ZMAT3: variants seen among roughly 807,000 people sequenced by gnomAD.
ZMAT3 encodes zinc finger matrin-type 3, also known as zinc finger matrin-type protein 3.
ZMAT3 carries 17 observed loss-of-function variants against 32.3 expected under a neutral mutation model. The ratio of observed to expected loss-of-function variants is 0.53; its 90% CI spans 0.36 to 0.79. The LOEUF (loss-of-function observed/expected upper bound fraction) is 0.79, where lower values mean the gene tolerates loss of function less well. Among genes scored for constraint, ZMAT3 ranks in the 30% least tolerant of loss-of-function variants. The pLI is 0.00. For missense variants in ZMAT3, 329 were observed against 359.7 expected (o/e 0.91, Z 0.69); for synonymous variants, 120 against 133.1 (o/e 0.90, Z 0.68).
At chr3:179,051,307 A>G (rs1560094331) in intron 2 of ZMAT3, among the ~76,000 whole-genome samples, 1 of 152,216 alleles carries the variant, frequency 6.6e-6, no homozygotes. Flanking sequence ...ATACAAAATT[A>G]ATATATACAA....
Position 179,024,823 on chromosome 3 carries a change from C to G in ZMAT3, c.*194G>C. 1 of 585,350 alleles carries G rather than the reference C, an allele frequency of 1.7e-6. No individual in the cohort carries two copies. The highest frequency in any genetic ancestry group is 2.0e-5 in the South Asian group (1 of 50,534). The allele number at this position is 585,350 out of a possible 1,614,324, so 36.3% of individuals were successfully genotyped here. A position where few individuals can be genotyped will look rare whatever the true frequency, so the allele number is the denominator to read the frequency against. On this transcript the variant is annotated 3_prime_UTR_variant, in exon 6 of 6. Transcript: ENST00000311417. ...CAAAAGCGTTATGACCTAAGAAGCA[C>G]GTTCTTCACACCCACCTCCCCCCGC... is the stretch of plus-strand genomic sequence containing the variant.
chr3:179,022,245 G>C lies in ZMAT3; in HGVS notation c.*2772C>G, dbSNP rs1291608359. 1 of 152,100 alleles carries C rather than the reference G, an allele frequency of 6.6e-6. No individual in the cohort carries two copies. The highest frequency in any genetic ancestry group is 1.5e-5 in the Non-Finnish European group (1 of 68,016). The allele number at this position is 152,100 out of a possible 1,614,324, so 9.4% of individuals were successfully genotyped here. ...CCCTTAAGTCGGCTGCTTTTTCTAC[G>C]TATATAATGAAATTGTTAAGTGGAG... On this transcript the variant is annotated 3_prime_UTR_variant, in exon 6 of 6. Transcript: ENST00000311417.
At chr3:179,065,368 T>C (rs1048010842) in intron 2 of ZMAT3, among the ~76,000 whole-genome samples, 1 of 152,196 alleles carries the variant, frequency 6.6e-6, no homozygotes, top group Non-Finnish European at 1.5e-5. Flanking sequence ...TTACTAATCT[T>C]GTCAACTACA....
At chr3:179,038,528 T>C (rs1225071723) in intron 2 of ZMAT3, among the ~76,000 whole-genome samples, 1 of 152,186 alleles carries the variant, frequency 6.6e-6, no homozygotes, top group East Asian at 1.9e-4. Flanking sequence ...CAGTGAGCCA[T>C]GACTGCAATG....
intron 2 of ZMAT3, among the ~76,000 whole-genome samples, chr3:179,031,959 CCCTCCTCCT>C (rs1560085626): frequency 2.8e-4 from 1 of 3,536 alleles, no homozygotes; most frequent in Non-Finnish European, 7.6e-4. Flanking sequence ...CTCCCCCTCC[CCCTCCTCCT>C]CCCCCTCCCC....
chr3:179,030,606 G>A (rs1173042238), intron 3 of ZMAT3, among the ~76,000 whole-genome samples: 2 of 152,002 alleles, frequency 1.3e-5, no homozygotes, highest in East Asian at 1.9e-4. Context: ...CGCCCGTCTC[G>A]GCCTCCCAAA....
At chr3:179,038,889 C>T (rs896083154) in intron 2 of ZMAT3, among the ~76,000 whole-genome samples, 1 of 152,224 alleles carries the variant, frequency 6.6e-6, no homozygotes, top group Non-Finnish European at 1.5e-5. Context: ...TCTTAGCAAC[C>T]GGAAAACAAG....
intron 2 of ZMAT3, among the ~76,000 whole-genome samples, chr3:179,047,151 G>A (rs1216542591): frequency 6.6e-6 from 1 of 152,204 alleles, no homozygotes; most frequent in Non-Finnish European, 1.5e-5. Flanking sequence ...ATCCACAGCT[G>A]ACAGACATGA....
At chr3:179,064,060 G>A (rs1721280442) in intron 2 of ZMAT3, among the ~76,000 whole-genome samples, 1 of 152,162 alleles carries the variant, frequency 6.6e-6, no homozygotes, top group Non-Finnish European at 1.5e-5. Context: ...CTGGATTACT[G>A]GCACATGATA....
chr3:179,033,685 G>A lies in ZMAT3; in HGVS notation c.271-2686C>T, dbSNP rs111449075. 2.7e-4 allele frequency among the ~76,000 whole-genome samples: 41 copies of A among 152,256 alleles called. 1 individual carries two copies. The highest frequency in any genetic ancestry group is 9.6e-4 in the African/African-American group (40 of 41,546). ...CTAATGTACTTTATAAGTTAGTAAT[G>A]AAATGGATAATCCAATTATTCTTTT... is the stretch of plus-strand genomic sequence containing the variant. On this transcript the variant is annotated intron_variant, in intron 2 of 5. Coordinates refer to ENST00000311417, the MANE Select transcript of ZMAT3 (RefSeq NM_022470.4).
rs573702315 is a variant in ZMAT3, at chr3:179,048,291, G to T, written c.271-17292C>A. Among the ~76,000 whole-genome samples, 4 of 152,096 alleles carry T rather than the reference G, an allele frequency of 2.6e-5. No individual in the cohort carries two copies. In the South Asian group the frequency reaches 6.2e-4, roughly 24 times the overall value. On this transcript the variant is annotated intron_variant, in intron 2 of 5. Coordinates refer to ENST00000311417, the MANE Select transcript of ZMAT3 (RefSeq NM_022470.4). ...AGCCTTGCTAGAGATCTAGACATCCGAATACAAGAAGCTCAAAGAACACCT... is the reference window on the plus strand; with the variant it reads ...AGCCTTGCTAGAGATCTAGACATCCTAATACAAGAAGCTCAAAGAACACCT...
chr3:179,049,229 G>T (rs1222148797), intron 2 of ZMAT3, among the ~76,000 whole-genome samples: 1 of 152,134 alleles, frequency 6.6e-6, no homozygotes. Flanking sequence ...AATTGTGGGG[G>T]ACTTCAATAC....
chr3:179,068,943 G>C (rs1043060794), intron 1 of ZMAT3, among the ~76,000 whole-genome samples: 3 of 152,190 alleles, frequency 2.0e-5, no homozygotes, highest in African/African-American at 7.2e-5. Context: ...AGTGCTCAGA[G>C]GCACTGTGCC....
chr3:179,069,743 A>G (rs1721614498), intron 1 of ZMAT3, among the ~76,000 whole-genome samples: 2 of 152,252 alleles, frequency 1.3e-5, no homozygotes, highest in South Asian at 4.1e-4. Context: ...TTAAGGACAA[A>G]GTGCATAAGT....
At chr3:179,062,241 T>C (rs1047532517) in intron 2 of ZMAT3, among the ~76,000 whole-genome samples, 2 of 151,964 alleles carry the variant, frequency 1.3e-5, no homozygotes, top group African/African-American at 2.4e-5. Context: ...CAGAGTACAG[T>C]GGGCTGAGGA....
At position 179,021,038 on chromosome 3, in the gene ZMAT3, C is replaced by G. The variant is rs1165318843; in HGVS notation, c.*3979G>C. The G allele has an allele frequency of 6.6e-6, 1 of 152,166 alleles. No homozygotes were observed. Among genetic ancestry groups the G allele is most frequent in the Admixed American group, 6.5e-5 (1 of 15,276 alleles). 9.4% of individuals were successfully genotyped at this position (152,166 alleles called of 1,614,324 possible). A position where few individuals can be genotyped will look rare whatever the true frequency, so the allele number is the denominator to read the frequency against. ...AAATAGCCACGATTCTTCTTTTAAA[C>G]TCAGGGCTTCAAAAATCCTACCTGG... On this transcript the variant is annotated 3_prime_UTR_variant, in exon 6 of 6. Coordinates refer to ENST00000311417, the MANE Select transcript of ZMAT3 (RefSeq NM_022470.4).
In ZMAT3 at chr3:179,024,136, A is replaced by G. The variant is rs1718718203; in HGVS notation, c.*881T>C. The G allele has an allele frequency of 6.6e-6, 1 of 152,046 alleles. No individual in the cohort carries two copies. Among genetic ancestry groups the G allele is most frequent in the South Asian group, 2.1e-4 (1 of 4,820 alleles). 9.4% of individuals were successfully genotyped at this position (152,046 alleles called of 1,614,324 possible). ...GCTTGTTAGACAAGCTGATTCAACT[A>G]GGGGGGAAAAAAGAGGAGGGAAGAA... On this transcript the variant is annotated 3_prime_UTR_variant, in exon 6 of 6. Transcript: ENST00000311417.
At position 179,025,240 on chromosome 3, in the gene ZMAT3, G is replaced by C. The variant is rs767044952; in HGVS notation, c.659-12C>G. The stretch of plus-strand genomic sequence containing the variant: ...GAAGTAAGGACCTGCTAAAGCAAGA[G>C]ATAAAAATAATATATTCAAAATATT... On this transcript the variant is annotated splice_polypyrimidine_tract_variant and intron_variant, in intron 5 of 5. Transcript: ENST00000311417. 19 of 1,585,914 alleles carry C rather than the reference G, an allele frequency of 1.2e-5. No individual in the cohort carries two copies. Among genetic ancestry groups the C allele is most frequent in the Non-Finnish European group, 1.6e-5 (19 of 1,162,484 alleles).
At chr3:179,041,814 C>T (rs1408625641) in intron 2 of ZMAT3, among the ~76,000 whole-genome samples, 3 of 151,152 alleles carry the variant, frequency 2.0e-5, no homozygotes, top group Non-Finnish European at 4.4e-5. Context: ...TTTAAAAGAT[C>T]AACAAAATTG....
Sources: gnomAD v4.1 joint callset for allele counts (sites outside exome capture counted in the v4.1 genomes callset) on GRCh38, gnomAD v4.1.1 for gene constraint, MANE v1.5 for transcripts, NCBI Gene and HGNC (gene_info 2026-07-23, HGNC 2026-07-21) for gene names.